The following ATXN3 variants were observed in gnomAD, a reference collection of about 807,000 sequenced individuals.
ATXN3 encodes ataxin 3.
ATXN3 carries 28 observed loss-of-function variants against 58.2 expected under a neutral mutation model. That is an observed-to-expected ratio of 0.48 (90% confidence interval 0.36 to 0.66). ATXN3 has a LOEUF of 0.66. ATXN3 is among the 30% of genes least tolerant of loss of function. The pLI is 0.00. For synonymous variants in ATXN3, 113 were observed against 138.5 expected (o/e 0.82, Z 1.29); for missense variants, 321 against 422.1 (o/e 0.76, Z 2.10).
chr14:92,095,760 T>C (rs1459596722), intron 3 of ATXN3, among the ~76,000 whole-genome samples: 1 of 151,220 alleles, frequency 6.6e-6, no homozygotes, highest in Non-Finnish European at 1.5e-5. Flanking sequence ...GCCAACACGG[T>C]GAAACCCCAC....
At chr14:92,104,003 C>T (rs1380615975) in intron 1 of ATXN3, among the ~76,000 whole-genome samples, 1 of 152,162 alleles carries the variant, frequency 6.6e-6, no homozygotes, top group Non-Finnish European at 1.5e-5. Flanking sequence ...GTTATAGGTG[C>T]GTACTCTTGA....
chr14:92,083,540 A>C (rs569229752), intron 6 of ATXN3: 4 of 526,388 alleles, frequency 7.6e-6, no homozygotes, highest in South Asian at 6.2e-5. Flanking sequence ...GGGCCCTACT[A>C]ATATAGTACT....
In ATXN3 at chr14:92,063,585, T is replaced by A. The variant is rs932438693; in HGVS notation, c.*735A>T. The stretch of plus-strand genomic sequence containing the variant: ...TGGGAAAGCACATGCTCACACATTT[T>A]AAAAAATGCTCATTTATTCTCAAGT... On this transcript the variant is annotated 3_prime_UTR_variant, in exon 11 of 11. Transcript: ENST00000644486. 3 of 152,192 alleles carry A rather than the reference T, an allele frequency of 2.0e-5. No homozygotes were observed. The highest frequency in any genetic ancestry group is 2.1e-4 in the South Asian group (1 of 4,836). The allele number at this position is 152,192 out of a possible 1,614,324, so 9.4% of individuals were successfully genotyped here.
At chr14:92,094,408 A>G (rs898633626) in intron 3 of ATXN3, among the ~76,000 whole-genome samples, 9 of 152,212 alleles carry the variant, frequency 5.9e-5, no homozygotes, top group South Asian at 2.1e-4. Context: ...TATTCTACCC[A>G]TAAGTGCTTT....
intron 10 of ATXN3, among the ~76,000 whole-genome samples, chr14:92,066,028 A>G (rs1336101921): frequency 1.3e-5 from 2 of 151,988 alleles, no homozygotes; most frequent in African/African-American, 4.8e-5. Context: ...CCTGGGCTCA[A>G]GCAATCTGCT....
chr14:92,084,872 G>A (rs1017995068), intron 6 of ATXN3, among the ~76,000 whole-genome samples: 3 of 152,074 alleles, frequency 2.0e-5, no homozygotes, highest in Admixed American at 1.3e-4. Flanking sequence ...GAGCCACCGC[G>A]CCTAGCACAT....
intron 1 of ATXN3, among the ~76,000 whole-genome samples, chr14:92,049,014 T>C (rs2057438822): frequency 6.6e-6 from 1 of 152,176 alleles, no homozygotes; most frequent in South Asian, 2.1e-4. Context: ...CAACAAAAAT[T>C]ATCTAGATCC....
intron 1 of ATXN3, among the ~76,000 whole-genome samples, chr14:92,049,061 C>T (rs2057438998): frequency 6.6e-6 from 1 of 152,096 alleles, no homozygotes; most frequent in Non-Finnish European, 1.5e-5. Flanking sequence ...ATTCTCTGGC[C>T]ACTTGGAACT....
intron 6 of ATXN3, among the ~76,000 whole-genome samples, chr14:92,085,484 C>G (rs1282088119): frequency 1.3e-5 from 2 of 151,242 alleles, no homozygotes. Context: ...CCACCAAGCC[C>G]GGCCTAAGAC....
intron 10 of ATXN3, among the ~76,000 whole-genome samples, chr14:92,066,015 A>C (rs35865969): frequency 0.23 from 34,238 of 151,404 alleles, 4,879 homozygotes; most frequent in Admixed American, 0.35. Context: ...CTGGTCTTGA[A>C]CTCCTGGGCT....
chr14:92,099,671 C>T (rs1274720822), intron 1 of ATXN3, among the ~76,000 whole-genome samples: 1 of 151,800 alleles, frequency 6.6e-6, no homozygotes, highest in African/African-American at 2.4e-5. Flanking sequence ...AAGTTTGAGA[C>T]CAGCCTGGAC....
At chr14:92,045,733 A>G (rs941063065) in intron 2 of ATXN3, among the ~76,000 whole-genome samples, 6 of 152,188 alleles carry the variant, frequency 3.9e-5, no homozygotes, top group Non-Finnish European at 8.8e-5. Flanking sequence ...TGACAACAGA[A>G]TAGAATGGGC....
intron 6 of ATXN3, among the ~76,000 whole-genome samples, chr14:92,084,747 T>A (rs1282975874): frequency 1.3e-5 from 2 of 151,966 alleles, no homozygotes; most frequent in Non-Finnish European, 2.9e-5. Context: ...ACCCAGTTAA[T>A]GTTTGTATTT....
intron 6 of ATXN3, among the ~76,000 whole-genome samples, chr14:92,088,155 G>A (rs371830105): frequency 6.6e-4 from 100 of 151,630 alleles, no homozygotes; most frequent in African/African-American, 2.1e-3. Flanking sequence ...TGCAAGCTCC[G>A]CCTCCTGGGT....
At chr14:92,091,554 T>C (rs2063809991) in intron 5 of ATXN3, among the ~76,000 whole-genome samples, 2 of 152,224 alleles carry the variant, frequency 1.3e-5, no homozygotes, top group South Asian at 4.1e-4. Flanking sequence ...AATAGGGTTT[T>C]TGTTTTTGAA....
chr14:92,058,988 G>C lies in ATXN3; in HGVS notation c.*5332C>G, dbSNP rs968141828. ...TAAAAAAATTCAGAAAACATTCCTTGAACTATGCAAGAGACAATTGAGAGC... is the reference window on the plus strand; with the variant it reads ...TAAAAAAATTCAGAAAACATTCCTTCAACTATGCAAGAGACAATTGAGAGC... On this transcript the variant is annotated 3_prime_UTR_variant, in exon 11 of 11. Coordinates refer to ENST00000644486, the MANE Select transcript of ATXN3 (RefSeq NM_004993.6). 14 of 148,742 alleles carry C rather than the reference G, an allele frequency of 9.4e-5. No homozygotes were observed. The highest frequency in any genetic ancestry group is 1.9e-4 in the Non-Finnish European group (13 of 67,554). The allele number at this position is 148,742 out of a possible 1,614,324, so 9.2% of individuals were successfully genotyped here. A position where few individuals can be genotyped will look rare whatever the true frequency, so the allele number is the denominator to read the frequency against.
intron 6 of ATXN3, 48 bp from the exon 7 acceptor site, chr14:92,083,306 C>G (rs1399184696): frequency 8.5e-6 from 13 of 1,538,360 alleles, no homozygotes; most frequent in Non-Finnish European, 1.1e-5. Flanking sequence ...TAAAGAGATT[C>G]AAAATTGATG....
At chr14:92,096,632 A>C (rs749645729) in intron 2 of ATXN3, 42 bp downstream of exon 2, 90 of 1,570,584 alleles carry the variant, frequency 5.7e-5, no homozygotes, top group Non-Finnish European at 7.4e-5. Context: ...TCAAAAAAAA[A>C]AAAAAAAAAG....
intron 2 of ATXN3, 160 bp downstream of exon 2, chr14:92,096,513 AC>A (rs1430421488): frequency 1.2e-6 from 1 of 802,802 alleles, no homozygotes; most frequent in Non-Finnish European, 1.9e-6. Context: ...AATCCCAGCT[AC>A]TTGGGAGGCT....
Sources: allele counts gnomAD v4.1 joint callset (sites outside exome capture counted in the v4.1 genomes callset), GRCh38; gene constraint gnomAD v4.1.1; transcripts MANE v1.5; gene names NCBI Gene and HGNC (gene_info 2026-07-23, HGNC 2026-07-21).